Variants in GRXCR1 observed in about 807,000 individuals in gnomAD.
GRXCR1 encodes the protein glutaredoxin and cysteine rich domain containing 1, also known as glutaredoxin domain-containing cysteine-rich protein 1.
GRXCR1 carries 27 observed loss-of-function variants against 27.3 expected under a neutral mutation model. The ratio of observed to expected loss-of-function variants is 0.99; its 90% CI spans 0.73 to 1.37. The LOEUF (loss-of-function observed/expected upper bound fraction) is 1.37, where lower values mean the gene tolerates loss of function less well. Ranked by LOEUF, GRXCR1 falls within the 40% of genes most tolerant of loss-of-function variation. The pLI, the probability that GRXCR1 is intolerant of heterozygous loss-of-function variation, is 0.00. For synonymous variants in GRXCR1, 122 were observed against 131.1 expected, an observed-to-expected ratio of 0.93 and a Z score of 0.47; for missense variants, 379 against 354.4, an observed-to-expected ratio of 1.07 and a Z score of -0.56.
intron 1 of GRXCR1, among the ~76,000 whole-genome samples, chr4:42,912,112 T>A (rs1746734057): frequency 6.6e-6 from 1 of 152,150 alleles, no homozygotes; most frequent in Admixed American, 6.6e-5. Context: ...TGTCCAGGTA[T>A]AGTTATCAGA....
chr4:42,996,903 C>T (rs923696398), intron 2 of GRXCR1, among the ~76,000 whole-genome samples: 2 of 151,878 alleles, frequency 1.3e-5, no homozygotes, highest in Admixed American at 6.6e-5. Context: ...CTGTCTTATC[C>T]TTCACAATGG....
Position 42,955,414 on chromosome 4 carries a change from A to C in GRXCR1, c.385-7478A>C, listed in dbSNP as rs149355813. Among the ~76,000 whole-genome samples the C allele has an allele frequency of 3.3e-4, 50 of 152,252 alleles. No homozygotes were observed. In the East Asian group the frequency reaches 9.1e-3, roughly 28 times the overall value. ...TTAGGCCAATAGCAGTTTGTAGTTTAGTAACAACTTTATCCTCAGGAGTGG... is the reference window on the plus strand; with the variant it reads ...TTAGGCCAATAGCAGTTTGTAGTTTCGTAACAACTTTATCCTCAGGAGTGG... On this transcript the variant is annotated intron_variant, in intron 1 of 3. Coordinates refer to ENST00000399770, the MANE Select transcript of GRXCR1 (RefSeq NM_001080476.3).
At chr4:43,011,057 A>G (rs1250413518) in intron 2 of GRXCR1, among the ~76,000 whole-genome samples, 1 of 152,196 alleles carries the variant, frequency 6.6e-6, no homozygotes, top group African/African-American at 2.4e-5. Context: ...CAGCCTCCCA[A>G]CACATCCTCT....
At chr4:42,996,380 A>T (rs952180646) in intron 2 of GRXCR1, among the ~76,000 whole-genome samples, 5 of 152,186 alleles carry the variant, frequency 3.3e-5, no homozygotes, top group Non-Finnish European at 5.9e-5. Context: ...GGAACAAAGC[A>T]AAGACATAAA....
chr4:42,980,595 G>A (rs1748638802), intron 2 of GRXCR1, among the ~76,000 whole-genome samples: 1 of 152,034 alleles, frequency 6.6e-6, no homozygotes, highest in Non-Finnish European at 1.5e-5. Flanking sequence ...ATGTGCAGTT[G>A]AAGAATGTGT....
rs563147020 is a variant in GRXCR1, at chr4:42,964,811, C to T, written c.627+1677C>T. On this transcript the variant is annotated intron_variant, in intron 2 of 3. Coordinates refer to ENST00000399770, the MANE Select transcript of GRXCR1 (RefSeq NM_001080476.3). Reference sequence around the variant, plus strand: ...GGATGGATGAATTATGCTATATTGCCTCATCATATTCTTTTGTTCTCTCTC... The same window carrying T: ...GGATGGATGAATTATGCTATATTGCTTCATCATATTCTTTTGTTCTCTCTC... Among the ~76,000 whole-genome samples the T allele has an allele frequency of 2.0e-5, 3 of 152,152 alleles. No individual in the cohort carries two copies. In the East Asian group the frequency reaches 5.8e-4, roughly 29 times the overall value.
intron 2 of GRXCR1, among the ~76,000 whole-genome samples, chr4:42,979,403 A>G (rs1748599230): frequency 6.6e-6 from 1 of 151,986 alleles, no homozygotes; most frequent in Admixed American, 6.6e-5. Context: ...AAGATGTTGA[A>G]TTTGGTCAAA....
At chr4:42,918,132 C>T (rs1182576790) in intron 1 of GRXCR1, among the ~76,000 whole-genome samples, 2 of 152,080 alleles carry the variant, frequency 1.3e-5, no homozygotes, top group East Asian at 3.9e-4. Context: ...ATCAATGTGC[C>T]AGCATGTTTG....
At chr4:42,955,273 GA>G (rs1200748420) in intron 1 of GRXCR1, among the ~76,000 whole-genome samples, 8 of 151,094 alleles carry the variant, frequency 5.3e-5, no homozygotes, top group East Asian at 1.9e-4. Flanking sequence ...ATTTTAGACT[GA>G]AAAAAAAATA....
intron 1 of GRXCR1, among the ~76,000 whole-genome samples, chr4:42,922,413 C>T (rs971289239): frequency 3.9e-5 from 6 of 152,108 alleles, no homozygotes; most frequent in African/African-American, 1.4e-4. Context: ...AATTGCCACC[C>T]CTTGGCCACT....
intron 1 of GRXCR1, among the ~76,000 whole-genome samples, chr4:42,906,659 G>T (rs975039801): frequency 1.3e-5 from 2 of 152,108 alleles, no homozygotes; most frequent in African/African-American, 4.8e-5. Context: ...CAGCAAGCTT[G>T]TTTTTATTTT....
chr4:42,899,732 C>T lies in GRXCR1; in HGVS notation c.384+6082C>T, dbSNP rs905514281. On this transcript the variant is annotated intron_variant, in intron 1 of 3. Transcript: ENST00000399770. Reference sequence around the variant, plus strand: ...AGCACCGACTTATCCAAGTTCTACTCATCATGTTAAAACTTTCCTTCTAAA... The same window carrying T: ...AGCACCGACTTATCCAAGTTCTACTTATCATGTTAAAACTTTCCTTCTAAA... Among the ~76,000 whole-genome samples, 6 of 152,142 alleles carry T rather than the reference C, an allele frequency of 3.9e-5. No individual in the cohort carries two copies. The South Asian group carries it at 6.2e-4, about 16-fold the overall frequency.
At chr4:42,894,767 GAA>G (rs1746311684) in intron 1 of GRXCR1, among the ~76,000 whole-genome samples, 1 of 152,056 alleles carries the variant, frequency 6.6e-6, no homozygotes, top group Non-Finnish European at 1.5e-5. Context: ...CTGAAAATCA[GAA>G]ACTGATGTTG....
intron 2 of GRXCR1, among the ~76,000 whole-genome samples, chr4:42,976,821 A>G (rs1748535014): frequency 6.6e-6 from 1 of 151,882 alleles, no homozygotes; most frequent in Non-Finnish European, 1.5e-5. Context: ...TTGTGGGGAG[A>G]CTATTTAATA....
chr4:42,909,379 C>T (rs1453837424), intron 1 of GRXCR1, among the ~76,000 whole-genome samples: 2 of 152,046 alleles, frequency 1.3e-5, no homozygotes, highest in Non-Finnish European at 2.9e-5. Context: ...GTTAGTTTAC[C>T]CGCACATCTC....
intron 1 of GRXCR1, among the ~76,000 whole-genome samples, chr4:42,913,945 G>C (rs967483476): frequency 6.6e-6 from 1 of 152,208 alleles, no homozygotes. Context: ...TACATGTTGT[G>C]TTGGGCCTGC....
At position 43,007,642 on chromosome 4, in the gene GRXCR1, TG is replaced by T. The variant is rs563027345; in HGVS notation, c.628-12711del. Among the ~76,000 whole-genome samples, 478 of 152,252 alleles carry T rather than the reference TG, an allele frequency of 3.1e-3. 6 individuals carry two copies. Among genetic ancestry groups the T allele is most frequent in the African/African-American group, 0.011 (461 of 41,554 alleles). On this transcript the variant is annotated intron_variant, in intron 2 of 3. Transcript: ENST00000399770. ...AAATGGATGCATTTAAAATAAACATTGCATGTAAATCAACAGGACTTACTGA... is the reference window on the plus strand; with the variant it reads ...AAATGGATGCATTTAAAATAAACATTCATGTAAATCAACAGGACTTACTGA...
intron 1 of GRXCR1, among the ~76,000 whole-genome samples, chr4:42,903,171 CAT>C (rs150148818): frequency 0.013 from 1,636 of 128,066 alleles, 105 homozygotes; most frequent in African/African-American, 0.04. Flanking sequence ...CAGTTTTACA[CAT>C]GTTTTATTTA....
intron 3 of GRXCR1, among the ~76,000 whole-genome samples, chr4:43,027,556 T>C (rs947717696): frequency 2.6e-5 from 4 of 152,242 alleles, no homozygotes; most frequent in Admixed American, 1.3e-4. Flanking sequence ...GAATTTTGTG[T>C]GCTCAGAGCC....
Sources: allele counts gnomAD v4.1 joint callset (sites outside exome capture counted in the v4.1 genomes callset), GRCh38; gene constraint gnomAD v4.1.1; transcripts MANE v1.5; gene names NCBI Gene and HGNC (gene_info 2026-07-23, HGNC 2026-07-21).